The following GALNT17 variants were observed in gnomAD, a reference collection of about 807,000 sequenced individuals.
GALNT17 encodes polypeptide N-acetylgalactosaminyltransferase 17.
A neutral mutation model predicts 63.7 loss-of-function variants in GALNT17; 29 were observed. That is an observed-to-expected ratio of 0.46 (90% CI 0.34 to 0.62). GALNT17 has a LOEUF of 0.62. GALNT17 is among the 20% of genes least tolerant of loss of function. GALNT17 has a pLI of 0.01. For missense variants in GALNT17, 603 were observed against 799.6 expected (o/e 0.75, Z 2.97); for synonymous variants, 305 against 318.3 (o/e 0.96, Z 0.45).
rs192165892 is a variant in GALNT17, at chr7:71,318,681, G to C, written c.239-16869G>C. Among the ~76,000 whole-genome samples, 15 of 152,160 alleles carry C rather than the reference G, an allele frequency of 9.9e-5. No individual in the cohort carries two copies. The East Asian group carries it at 2.9e-3, about 29-fold the overall frequency. ...TTGACCTTGTGATCCACCCACCTCAGCCTCCCAAAGTGCTGGAATTACAGA... is the reference window on the plus strand; with the variant it reads ...TTGACCTTGTGATCCACCCACCTCACCCTCCCAAAGTGCTGGAATTACAGA... On this transcript the variant is annotated intron_variant, in intron 1 of 10. Coordinates refer to ENST00000333538, the MANE Select transcript of GALNT17 (RefSeq NM_022479.3).
intron 5 of GALNT17, among the ~76,000 whole-genome samples, chr7:71,486,343 TAATAATA>T (rs1787908397): frequency 3.9e-5 from 1 of 25,504 alleles, no homozygotes. Flanking sequence ...AAAATAATAA[TAATAATA>T]ATAATAATAA....
chr7:71,704,226 A>G (rs1282556164), intron 9 of GALNT17, among the ~76,000 whole-genome samples: 1 of 152,232 alleles, frequency 6.6e-6, no homozygotes, highest in Admixed American at 6.5e-5. Context: ...TGCACTGGCA[A>G]TGAACATTCT....
At chr7:71,181,402 G>T (rs1788733459) in intron 1 of GALNT17, among the ~76,000 whole-genome samples, 1 of 152,146 alleles carries the variant, frequency 6.6e-6, no homozygotes, top group East Asian at 1.9e-4. Context: ...AGAAAAGGGA[G>T]GGTCAAGGGT....
chr7:71,644,864 A>T (rs936635973), intron 6 of GALNT17, among the ~76,000 whole-genome samples: 1 of 152,168 alleles, frequency 6.6e-6, no homozygotes, highest in African/African-American at 2.4e-5. Context: ...GCAAACCTCC[A>T]AATCTCAGTG....
chr7:71,399,650 C>T (rs909904719), intron 3 of GALNT17, among the ~76,000 whole-genome samples: 4 of 152,074 alleles, frequency 2.6e-5, no homozygotes, highest in Non-Finnish European at 4.4e-5. Flanking sequence ...TTAAATTCAT[C>T]ATCTTATTCT....
intron 6 of GALNT17, among the ~76,000 whole-genome samples, chr7:71,583,179 C>T (rs1373126852): frequency 1.3e-5 from 2 of 152,174 alleles, no homozygotes; most frequent in Admixed American, 6.6e-5. Context: ...ACTGCAACCT[C>T]CGCCTCCCAG....
At chr7:71,668,357 A>G (rs1225140043) in intron 7 of GALNT17, among the ~76,000 whole-genome samples, 1 of 151,890 alleles carries the variant, frequency 6.6e-6, no homozygotes, top group Non-Finnish European at 1.5e-5. Flanking sequence ...TCTCCACTAA[A>G]AATGCAAAAT....
chr7:71,554,955 T>A (rs1262628101), intron 5 of GALNT17, among the ~76,000 whole-genome samples: 1 of 152,138 alleles, frequency 6.6e-6, no homozygotes, highest in Non-Finnish European at 1.5e-5. Context: ...GTTCTGCAGG[T>A]TGTACAAGAA....
chr7:71,482,184 C>G (rs974589091), intron 5 of GALNT17, among the ~76,000 whole-genome samples: 2 of 144,638 alleles, frequency 1.4e-5, no homozygotes, highest in African/African-American at 5.2e-5. Flanking sequence ...GAGTCTCGCT[C>G]TGTCACCCGG....
intron 5 of GALNT17, among the ~76,000 whole-genome samples, chr7:71,555,242 G>T (rs1346568821): frequency 6.6e-6 from 1 of 150,584 alleles, no homozygotes; most frequent in African/African-American, 2.5e-5. Context: ...GATTTGGAAG[G>T]GACTGACATC....
intron 5 of GALNT17, among the ~76,000 whole-genome samples, chr7:71,497,711 C>T (rs1440009883): frequency 2.6e-5 from 4 of 152,170 alleles, no homozygotes; most frequent in Non-Finnish European, 4.4e-5. Flanking sequence ...GCACATGCTG[C>T]GTGCAGCCTG....
intron 3 of GALNT17, among the ~76,000 whole-genome samples, chr7:71,395,091 G>A (rs1793114433): frequency 6.6e-6 from 1 of 152,102 alleles, no homozygotes; most frequent in African/African-American, 2.4e-5. Flanking sequence ...ATCACAGCAA[G>A]AGTCTGTCTC....
chr7:71,139,476 A>G (rs1449319768), intron 1 of GALNT17, among the ~76,000 whole-genome samples: 1 of 152,126 alleles, frequency 6.6e-6, no homozygotes, highest in Non-Finnish European at 1.5e-5. Context: ...GAAATTGAAA[A>G]TCTTTGTAGA....
chr7:71,693,249 T>TACACAC (rs201316633), intron 9 of GALNT17, among the ~76,000 whole-genome samples: 3 of 124,348 alleles, frequency 2.4e-5, no homozygotes, highest in African/African-American at 9.2e-5. Context: ...CACATATATA[T>TACACAC]ACACACACAC....
intron 5 of GALNT17, among the ~76,000 whole-genome samples, chr7:71,528,619 C>T (rs4719136): frequency 0.88 from 134,216 of 152,154 alleles, 59,409 homozygotes; most frequent in Non-Finnish European, 0.92. Flanking sequence ...AAAAGTGTGC[C>T]TGAAGATCTT....
chr7:71,492,366 T>C (rs1287809868), intron 5 of GALNT17, among the ~76,000 whole-genome samples: 1 of 152,212 alleles, frequency 6.6e-6, no homozygotes, highest in Non-Finnish European at 1.5e-5. Context: ...CCCAGTGATC[T>C]CTGTGCCTGT....
chr7:71,288,680 T>C (rs1315721735), intron 1 of GALNT17, among the ~76,000 whole-genome samples: 1 of 152,138 alleles, frequency 6.6e-6, no homozygotes, highest in Non-Finnish European at 1.5e-5. Flanking sequence ...TCCTGGGCTG[T>C]GATTTTGCTT....
intron 2 of GALNT17, among the ~76,000 whole-genome samples, chr7:71,376,560 T>C (rs1049164373): frequency 4.0e-5 from 6 of 150,272 alleles, no homozygotes; most frequent in African/African-American, 1.5e-4. Context: ...TGCGAGTGTG[T>C]GTGTATGTGT....
intron 5 of GALNT17, among the ~76,000 whole-genome samples, chr7:71,557,353 T>A (rs984796375): frequency 6.6e-6 from 1 of 152,196 alleles, no homozygotes; most frequent in African/African-American, 2.4e-5. Context: ...CATTCTCGAA[T>A]GTACATCCTA....
Sources: allele counts gnomAD v4.1 joint callset (sites outside exome capture counted in the v4.1 genomes callset), GRCh38; gene constraint gnomAD v4.1.1; transcripts MANE v1.5; gene names NCBI Gene and HGNC (gene_info 2026-07-23, HGNC 2026-07-21).